The following DHX35 variants were observed in gnomAD, a reference collection of about 807,000 sequenced individuals.
DHX35 encodes the protein probable ATP-dependent RNA helicase DHX35.
Under a neutral mutation model 99.6 loss-of-function variants are expected in DHX35, and 84 were observed. The ratio of observed to expected loss-of-function variants is 0.84; its 90% CI spans 0.71 to 1.01. The LOEUF is 1.01. Ranked by LOEUF, DHX35 falls within the 50% of genes least tolerant of loss-of-function variation. DHX35 has a pLI of 0.00. For missense variants in DHX35, 852 were observed against 888.5 expected, an observed-to-expected ratio of 0.96 and a Z score of 0.52; for synonymous variants, 331 against 316.2, an observed-to-expected ratio of 1.05 and a Z score of -0.50.
intron 1 of DHX35, 90 bp downstream of exon 1, chr20:38,962,497 T>C (rs1244927482): frequency 4.7e-6 from 7 of 1,501,722 alleles, no homozygotes; most frequent in Non-Finnish European, 5.4e-6. Flanking sequence ...GCAGACCTGC[T>C]CGCAGGCCTG....
intron 6 of DHX35, 24 bp from the exon 7 acceptor site, chr20:38,992,332 T>C (rs1341101673): frequency 6.2e-7 from 1 of 1,610,438 alleles, no homozygotes; most frequent in Non-Finnish European, 8.5e-7. Flanking sequence ...AGAGGCTCAC[T>C]GAGAGCTTCT....
In DHX35 at chr20:39,004,065, G is replaced by T. The variant is rs144539620; in HGVS notation, c.1011+158G>T. On this transcript the variant is annotated intron_variant, in intron 11 of 21. Transcript: ENST00000252011. ...CACACAATAAATAATACATTGTGAA[G>T]ATTTCTTTTTTTTTTGAGATGGAGT... Among the ~76,000 whole-genome samples, 236 of 152,188 alleles carry T rather than the reference G, an allele frequency of 1.6e-3. 2 individuals are homozygous for T. The East Asian group carries it at 0.016, about 10-fold the overall frequency.
At chr20:38,978,513 C>T in intron 3 of DHX35, 1 of 381,198 alleles carries the variant, frequency 2.6e-6, no homozygotes, top group Non-Finnish European at 4.9e-6. Flanking sequence ...CGGAATCACA[C>T]CCTTTTGCTC....
At chr20:38,993,727 A>G (rs2086378343) in intron 7 of DHX35, among the ~76,000 whole-genome samples, 3 of 144,230 alleles carry the variant, frequency 2.1e-5, no homozygotes, top group South Asian at 4.3e-4. Context: ...CAAGGGCTCT[A>G]TAGCCACAGG....
intron 3 of DHX35, among the ~76,000 whole-genome samples, chr20:38,979,853 G>T (rs1445369369): frequency 2.3e-5 from 3 of 132,662 alleles, no homozygotes. Flanking sequence ...CTAGAGTTCT[G>T]TAAAAAAAAA....
intron 8 of DHX35, among the ~76,000 whole-genome samples, chr20:38,995,141 T>C (rs538484230): frequency 6.6e-6 from 1 of 152,358 alleles, no homozygotes; most frequent in East Asian, 1.9e-4. Flanking sequence ...ACACAGCTTC[T>C]TTTTGTTGTT....
intron 7 of DHX35, 126 bp from the exon 8 acceptor site, chr20:38,994,695 T>C (rs1009794525): frequency 9.8e-6 from 4 of 406,300 alleles, no homozygotes; most frequent in Admixed American, 3.4e-5. Flanking sequence ...TAAGCTCCCT[T>C]ACCTCCTCCT....
At chr20:39,010,508 T>C (rs2086686128) in intron 13 of DHX35, 104 bp downstream of exon 13, 2 of 1,473,304 alleles carry the variant, frequency 1.4e-6, no homozygotes, top group Non-Finnish European at 1.8e-6. Context: ...TTTTCCCTAC[T>C]CAGGTCATGT....
intron 3 of DHX35, among the ~76,000 whole-genome samples, chr20:38,974,189 A>G (rs986833988): frequency 7.2e-5 from 11 of 152,354 alleles, no homozygotes; most frequent in African/African-American, 2.6e-4. Flanking sequence ...TAGATAAATG[A>G]TTATATTGAG....
intron 20 of DHX35, among the ~76,000 whole-genome samples, chr20:39,033,908 T>C (rs1039481211): frequency 1.4e-4 from 22 of 152,192 alleles, no homozygotes; most frequent in Admixed American, 1.3e-4. Context: ...ATAAAGTCAT[T>C]AGGCTCAGTT....
intron 21 of DHX35, among the ~76,000 whole-genome samples, chr20:39,036,623 G>A (rs1311749666): frequency 1.3e-5 from 2 of 151,056 alleles, no homozygotes; most frequent in Admixed American, 1.3e-4. Flanking sequence ...CTACTTGGGA[G>A]GCTGAGGCAG....
Position 38,972,539 on chromosome 20 carries a change from G to A in DHX35, c.175-20G>A. 6.7e-7 allele frequency: 1 copy of A among 1,489,304 alleles called. No homozygotes were observed. The highest frequency in any genetic ancestry group is 9.4e-7 in the Non-Finnish European group (1 of 1,069,018). The allele number at this position is 1,489,304 out of a possible 1,614,324, so 92.3% of individuals were successfully genotyped here. ...TGAGACAATGTATGGCTATTTGCAA[G>A]GTGTGTTATTCTTTTTCAGCTTAGG... On this transcript the variant is annotated intron_variant, in intron 2 of 21. Coordinates refer to ENST00000252011, the MANE Select transcript of DHX35 (RefSeq NM_021931.4).
At chr20:39,000,225 G>A (rs73908230) in intron 8 of DHX35, among the ~76,000 whole-genome samples, 3,054 of 152,288 alleles carry the variant, frequency 0.02, 112 homozygotes, top group African/African-American at 0.07. Flanking sequence ...CCTGAAAGCC[G>A]GTAGTTCTTA....
intron 21 of DHX35, among the ~76,000 whole-genome samples, chr20:39,036,726 CAAAAAA>C (rs60032935): frequency 3.9e-5 from 2 of 51,664 alleles, no homozygotes; most frequent in African/African-American, 7.9e-5. Context: ...ACTGTCCCCC[CAAAAAA>C]AAAAAAAAAA....
In DHX35 at chr20:38,969,079, A is replaced by G; in HGVS notation, c.41-2A>G. On this transcript the variant is annotated splice_acceptor_variant, in intron 1 of 21. Transcript: ENST00000252011. LOFTEE classifies it high-confidence loss of function. ...TCTGAAAAAAAAACATTTCTGCTGC[A>G]GGTACAGAGGGGCCAGGTGTAAGCA... 1 of 1,588,292 alleles carries G rather than the reference A, an allele frequency of 6.3e-7. No homozygotes were observed. The highest frequency in any genetic ancestry group is 1.4e-5 in the African/African-American group (1 of 73,462).
Position 38,994,899 on chromosome 20 carries a change from C to A in DHX35, c.642+19C>A, listed in dbSNP as rs1555822076. On this transcript the variant is annotated intron_variant, in intron 8 of 21. Transcript: ENST00000252011. ...TGCAGACGTAAGAGCCTTGCCTCCC[C>A]TTTCCTCCTCTCCTCACAAACACTT... is the stretch of plus-strand genomic sequence containing the variant. 16 of 1,610,518 alleles carry A rather than the reference C, an allele frequency of 9.9e-6. No individual in the cohort carries two copies. In the South Asian group the frequency reaches 1.8e-4, roughly 18 times the overall value.
intron 1 of DHX35, chr20:38,962,619 G>A (rs1261009055): frequency 3.3e-6 from 2 of 598,510 alleles, no homozygotes; most frequent in African/African-American, 1.9e-5. Context: ...GAAACTCTTT[G>A]TGACCTTGTT....
rs2087211078 is a variant in DHX35 at position 39,039,460 on chromosome 20, C to T, written c.*917C>T. ...TCCAGCAGGCACTGGTTTTGTTGCC[C>T]CAGGGCTGCTTTGCTGTGATGATGA... On this transcript the variant is annotated 3_prime_UTR_variant, in exon 22 of 22. Coordinates refer to ENST00000252011, the MANE Select transcript of DHX35 (RefSeq NM_021931.4). 2.0e-5 allele frequency: 3 copies of T among 152,524 alleles called. No individual in the cohort carries two copies. The highest frequency in any genetic ancestry group is 2.1e-4 in the South Asian group (1 of 4,828). The allele number at this position is 152,524 out of a possible 1,614,324, so 9.4% of individuals were successfully genotyped here.
intron 11 of DHX35, among the ~76,000 whole-genome samples, chr20:39,005,482 A>T (rs1339317517): frequency 6.6e-6 from 1 of 152,212 alleles, no homozygotes; most frequent in African/African-American, 2.4e-5. Flanking sequence ...AACAAAAGTA[A>T]AGTAGCATGC....
Sources: allele counts gnomAD v4.1 joint callset (sites outside exome capture counted in the v4.1 genomes callset), GRCh38; gene constraint gnomAD v4.1.1; transcripts MANE v1.5; gene names NCBI Gene and HGNC (gene_info 2026-07-23, HGNC 2026-07-21).